GALNT13: variants seen among roughly 807,000 people sequenced by gnomAD.
GALNT13 encodes polypeptide N-acetylgalactosaminyltransferase 13.
In GALNT13, 28 loss-of-function variants were observed where a neutral mutation model predicts 64.2. The ratio of observed to expected loss-of-function variants is 0.44; its 90% CI spans 0.32 to 0.60. GALNT13 has a LOEUF of 0.60. Among genes scored for constraint, GALNT13 ranks in the 20% least tolerant of loss-of-function variants. GALNT13 has a pLI of 0.05. For synonymous variants in GALNT13, 214 were observed against 224.6 expected (o/e 0.95, Z 0.42); for missense variants, 577 against 669.8 (o/e 0.86, Z 1.53).
intron 4 of GALNT13, among the ~76,000 whole-genome samples, chr2:154,220,655 A>T (rs959878979): frequency 3.9e-5 from 6 of 152,170 alleles, no homozygotes; most frequent in African/African-American, 1.4e-4. Context: ...AATTTTTTTT[A>T]TCATGGGTTT....
the GALNT13 span, among the ~76,000 whole-genome samples, chr2:153,529,171 T>C: frequency 1.3e-5 from 2 of 151,888 alleles, no homozygotes; most frequent in Non-Finnish European, 2.9e-5. Flanking sequence ...TACAAACTTT[T>C]AGCTAGACTA....
At chr2:154,298,510 A>T (rs1693089872) in intron 8 of GALNT13, among the ~76,000 whole-genome samples, 1 of 116,276 alleles carries the variant, frequency 8.6e-6, no homozygotes, top group Admixed American at 1.0e-4. Flanking sequence ...ACATATATAA[A>T]TTATATATTA....
the GALNT13 span, among the ~76,000 whole-genome samples, chr2:153,269,412 A>G: frequency 6.6e-5 from 10 of 152,178 alleles, no homozygotes; most frequent in Non-Finnish European, 1.5e-4. Flanking sequence ...TCCAGTTCCC[A>G]ATAAATTCCT....
intron 9 of GALNT13, among the ~76,000 whole-genome samples, chr2:154,342,902 T>C (rs1467023217): frequency 1.3e-5 from 2 of 152,008 alleles, no homozygotes; most frequent in East Asian, 1.9e-4. Context: ...TTTTTTCTTA[T>C]GGAGCTCACT....
chr2:153,679,341 C>T, the GALNT13 span, among the ~76,000 whole-genome samples: 1 of 151,974 alleles, frequency 6.6e-6, no homozygotes, highest in Non-Finnish European at 1.5e-5. Context: ...ACTGATACAA[C>T]TTCAAAAATT....
intron 9 of GALNT13, among the ~76,000 whole-genome samples, chr2:154,346,415 T>C (rs1696070026): frequency 1.3e-5 from 2 of 152,058 alleles, no homozygotes; most frequent in African/African-American, 4.8e-5. Context: ...TCATCTTGAA[T>C]TGTGGCTCCC....
At chr2:153,631,406 A>T in the GALNT13 span, among the ~76,000 whole-genome samples, 2 of 152,310 alleles carry the variant, frequency 1.3e-5, no homozygotes, top group South Asian at 2.1e-4. Context: ...ACAATGGTTG[A>T]ACTAGTTTAC....
intron 4 of GALNT13, among the ~76,000 whole-genome samples, chr2:154,159,436 A>G (rs543251187): frequency 2.8e-4 from 42 of 152,238 alleles, no homozygotes; most frequent in African/African-American, 9.6e-4. Context: ...TGCCTGGCCA[A>G]TTGCAGAGGT....
the GALNT13 span, among the ~76,000 whole-genome samples, chr2:153,071,144 T>C: frequency 9.5e-4 from 145 of 152,072 alleles, 1 homozygote; most frequent in African/African-American, 3.3e-3. Context: ...TTTTCTGGTA[T>C]CCAAAACTTA....
chr2:153,745,140 A>G, the GALNT13 span, among the ~76,000 whole-genome samples: 1 of 152,148 alleles, frequency 6.6e-6, no homozygotes, highest in African/African-American at 2.4e-5. Flanking sequence ...TGGAAGTGAA[A>G]GAGGACACCA....
chr2:153,497,579 C>G, the GALNT13 span, among the ~76,000 whole-genome samples: 1 of 120,424 alleles, frequency 8.3e-6, no homozygotes, highest in Admixed American at 1.1e-4. Flanking sequence ...ACTCCGTCTC[C>G]CAGGCTGGAA....
chr2:153,968,645 A>G (rs1382425799), intron 3 of GALNT13, among the ~76,000 whole-genome samples: 2 of 152,200 alleles, frequency 1.3e-5, no homozygotes, highest in Non-Finnish European at 2.9e-5. Flanking sequence ...TATTTTGGTC[A>G]GTTCGTTCTA....
At chr2:154,013,145 T>C (rs1033292396) in intron 3 of GALNT13, among the ~76,000 whole-genome samples, 7 of 150,662 alleles carry the variant, frequency 4.6e-5, no homozygotes, top group African/African-American at 1.7e-4. Context: ...TACCAAAGTT[T>C]TTATGCTGTT....
In GALNT13 at chr2:154,451,566, A is replaced by C. The variant is rs889176118; in HGVS notation, c.*1015A>C. 12 of 152,090 alleles carry C rather than the reference A, an allele frequency of 7.9e-5. No individual in the cohort carries two copies. The highest frequency in any genetic ancestry group is 1.6e-4 in the Non-Finnish European group (11 of 68,004). 9.4% of individuals were successfully genotyped at this position (152,090 alleles called of 1,614,324 possible). The stretch of plus-strand genomic sequence containing the variant: ...TCAGTGCTGTGCTCCAGTATCTAAA[A>C]ATTTTATCACCAGGGGAATAAACTC... On this transcript the variant is annotated 3_prime_UTR_variant, in exon 13 of 13. Coordinates refer to ENST00000392825, the MANE Select transcript of GALNT13 (RefSeq NM_052917.4).
the GALNT13 span, among the ~76,000 whole-genome samples, chr2:153,722,523 G>T: frequency 6.7e-6 from 1 of 149,354 alleles, no homozygotes; most frequent in African/African-American, 2.5e-5. Flanking sequence ...CCAGGAGCTG[G>T]TTTTTTGAAA....
the GALNT13 span, among the ~76,000 whole-genome samples, chr2:153,187,860 A>G: frequency 6.6e-6 from 1 of 152,176 alleles, no homozygotes; most frequent in Non-Finnish European, 1.5e-5. Context: ...ACAAAACTTA[A>G]CAACATATAA....
intron 3 of GALNT13, among the ~76,000 whole-genome samples, chr2:154,053,364 T>A (rs997886631): frequency 6.6e-6 from 1 of 152,016 alleles, no homozygotes; most frequent in African/African-American, 2.4e-5. Flanking sequence ...TTTCCTATTA[T>A]TATTTCCCTT....
At chr2:153,646,898 A>C in the GALNT13 span, among the ~76,000 whole-genome samples, 1 of 152,116 alleles carries the variant, frequency 6.6e-6, no homozygotes, top group African/African-American at 2.4e-5. Context: ...AGTCTTTGCT[A>C]TTGTGAGTAG....
chr2:154,056,600 G>T (rs960990429), intron 3 of GALNT13, among the ~76,000 whole-genome samples: 3 of 152,100 alleles, frequency 2.0e-5, no homozygotes, highest in African/African-American at 7.2e-5. Context: ...ATCATTAAAT[G>T]AATGGGAGTT....
Sources: gnomAD v4.1 joint callset for allele counts (sites outside exome capture counted in the v4.1 genomes callset) on GRCh38, gnomAD v4.1.1 for gene constraint, MANE v1.5 for transcripts, NCBI Gene and HGNC (gene_info 2026-07-23, HGNC 2026-07-21) for gene names.